The following SCN2B variants were observed in gnomAD, a reference collection of about 807,000 sequenced individuals.
The protein encoded by SCN2B is sodium voltage-gated channel beta subunit 2.
In SCN2B, 14 loss-of-function variants were observed where a neutral mutation model predicts 18.2. That is an observed-to-expected ratio of 0.77 (90% confidence interval 0.51 to 1.21). SCN2B has a LOEUF of 1.21. Among genes scored for constraint, SCN2B ranks in the 50% most tolerant of loss-of-function variants. The pLI, the probability that SCN2B is intolerant of heterozygous loss-of-function variation, is 0.00. For missense variants in SCN2B, 262 were observed against 286.9 expected, an observed-to-expected ratio of 0.91 and a Z score of 0.63; for synonymous variants, 115 against 115.3, an observed-to-expected ratio of 1.00 and a Z score of 0.02.
intron 1 of SCN2B, among the ~76,000 whole-genome samples, chr11:118,174,778 C>T (rs1948456899): frequency 6.6e-6 from 1 of 152,194 alleles, no homozygotes; most frequent in Non-Finnish European, 1.5e-5. Flanking sequence ...TCTATCTTTA[C>T]TTAGCCATGG....
chr11:118,163,016 A>G lies in SCN2B; in HGVS notation c.*3871T>C, dbSNP rs1948344578. 2 of 152,568 alleles carry G rather than the reference A, an allele frequency of 1.3e-5. No homozygotes were observed. Among genetic ancestry groups the G allele is most frequent in the African/African-American group, 4.8e-5 (2 of 41,412 alleles). 9.5% of individuals were successfully genotyped at this position (152,568 alleles called of 1,614,324 possible). ...CATATGTAGTTGGGTTTTCCCCTCC[A>G]AGTGCACAAAGCGCAAGAACATTCC... On this transcript the variant is annotated 3_prime_UTR_variant, in exon 4 of 4. Coordinates refer to ENST00000278947, the MANE Select transcript of SCN2B (RefSeq NM_004588.5).
Position 118,176,499 on chromosome 11 carries a change from A to G in SCN2B, c.-68T>C. On this transcript the variant is annotated 5_prime_UTR_variant, in exon 1 of 4. Coordinates refer to ENST00000278947, the MANE Select transcript of SCN2B (RefSeq NM_004588.5). ...GTGATTTGAGGGGGCGAGAACTACA[A>G]GGGAGGAATGGTTGGATGCTAAAAA... 1 of 1,152,826 alleles carries G rather than the reference A, an allele frequency of 8.7e-7. No individual in the cohort carries two copies. Among genetic ancestry groups the G allele is most frequent in the Non-Finnish European group, 1.3e-6 (1 of 759,698 alleles). 71.4% of individuals were successfully genotyped at this position (1,152,826 alleles called of 1,614,324 possible). A position where few individuals can be genotyped will look rare whatever the true frequency, so the allele number is the denominator to read the frequency against.
At chr11:118,176,265 G>T in intron 1 of SCN2B, 97 bp downstream of exon 1, 2 of 1,150,262 alleles carry the variant, frequency 1.7e-6, no homozygotes, top group South Asian at 1.2e-5. Context: ...GAGGGAAAGC[G>T]CTAGCAATGT....
In SCN2B at chr11:118,176,442, TGAG is replaced by T. The variant is rs779911577; in HGVS notation, c.-14_-12del. 113 of 1,611,760 alleles carry T rather than the reference TGAG, an allele frequency of 7.0e-5. No individual in the cohort carries two copies. In the African/African-American group the frequency reaches 1.4e-3, roughly 20 times the overall value. ...GGCATCTCTGTGCATTTTCAGAGAC[TGAG>T]ATGTTAGTCGGGTGGGCTACGGGAG... On this transcript the variant is annotated 5_prime_UTR_variant, in exon 1 of 4. Transcript: ENST00000278947.
rs2075647 is a variant in SCN2B at position 118,167,249 on chromosome 11, G to C, written c.449-163C>G. On this transcript the variant is annotated intron_variant, in intron 3 of 3. Coordinates refer to ENST00000278947, the MANE Select transcript of SCN2B (RefSeq NM_004588.5). ...ATCCAGTGACTGACCCTGAAGCGCCGCCACCTCCAAATCCCAGGACACCCA... is the reference window on the plus strand; with the variant it reads ...ATCCAGTGACTGACCCTGAAGCGCCCCCACCTCCAAATCCCAGGACACCCA... 0.082 allele frequency among the ~76,000 whole-genome samples: 12,457 copies of C among 152,216 alleles called. 1,050 individuals are homozygous for C. The highest frequency in any genetic ancestry group is 0.2 in the East Asian group (1,038 of 5,174).
At chr11:118,175,175 C>A (rs1297697691) in intron 1 of SCN2B, among the ~76,000 whole-genome samples, 2 of 152,196 alleles carry the variant, frequency 1.3e-5, no homozygotes, top group African/African-American at 4.8e-5. Context: ...GAGTTCCTGC[C>A]ATGCACCAAA....
At chr11:118,176,320 C>T (rs760463389) in intron 1 of SCN2B, 42 bp downstream of exon 1, 2 of 1,554,660 alleles carry the variant, frequency 1.3e-6, no homozygotes, top group African/African-American at 1.4e-5. Flanking sequence ...ATTGCGGCTA[C>T]ACTTCTGAAC....
chr11:118,176,241 C>T (rs764418627), intron 1 of SCN2B, 121 bp downstream of exon 1: 85 of 948,698 alleles, frequency 9.0e-5, no homozygotes, highest in Non-Finnish European at 1.3e-4. Context: ...AGCACCTCCC[C>T]TCCCAAGGAC....
At position 118,168,383 on chromosome 11, in the gene SCN2B, T is replaced by G. The variant is rs1948403560; in HGVS notation, c.238-88A>C. 1.5e-6 allele frequency: 2 copies of G among 1,347,642 alleles called. No homozygotes were observed. Among genetic ancestry groups the G allele is most frequent in the Non-Finnish European group, 2.1e-6 (2 of 939,720 alleles). 83.5% of individuals were successfully genotyped at this position (1,347,642 alleles called of 1,614,324 possible). On this transcript the variant is annotated intron_variant, in intron 2 of 3. Transcript: ENST00000278947. This position sits in a 1 kb window ranked among gnomAD's most constrained non-coding sequence, Gnocchi z 4.7. ...GGATGCCCCCTCTTCCCATCCACCC[T>G]TTTCCTGGGGAAGAGAGGCAGTTAC...
Position 118,168,623 on chromosome 11 carries a change from A to G in SCN2B, c.199T>C (p.Trp67Arg). The G allele has an allele frequency of 1.2e-6, 2 of 1,614,236 alleles. No individual in the cohort carries two copies. Among genetic ancestry groups the G allele is most frequent in the Non-Finnish European group, 1.7e-6 (2 of 1,180,036 alleles). ...TVNHKQFSLN[W>R]TYQECNNCSE... ...CAGTTGTTGCACTCCTGGTAAGTCCAGTTCAGGGAGAACTGTTTGTGGTTC... is the reference window on the plus strand; with the variant it reads ...CAGTTGTTGCACTCCTGGTAAGTCCGGTTCAGGGAGAACTGTTTGTGGTTC... The change falls in exon 2 of 4, where the codon TGG becomes CGG. Residue 67 changes from tryptophan (W) to arginine (R), a missense_variant. Physicochemically the swap from Trp to Arg is moderately radical, Grantham distance 101. Transcript: ENST00000278947. The surrounding 1 kb of genome is among the most constrained non-coding windows in gnomAD (Gnocchi z 4.7).
At chr11:118,174,027 T>G (rs1006017221) in intron 1 of SCN2B, among the ~76,000 whole-genome samples, 1 of 151,620 alleles carries the variant, frequency 6.6e-6, no homozygotes, top group Admixed American at 6.6e-5. Flanking sequence ...ATACTCCTTC[T>G]TCAGCCTCCT....
chr11:118,166,821 A>G lies in SCN2B; in HGVS notation c.*66T>C. 1 of 1,593,384 alleles carries G rather than the reference A, an allele frequency of 6.3e-7. No homozygotes were observed. The highest frequency in any genetic ancestry group is 8.6e-7 in the Non-Finnish European group (1 of 1,165,872). On this transcript the variant is annotated 3_prime_UTR_variant, in exon 4 of 4. Transcript: ENST00000278947. ...GGAAGCACACCAAGAGCGAGCAGGCAGGGTCACTGTACAGGGCGGAGAGGG... is the reference window on the plus strand; with the variant it reads ...GGAAGCACACCAAGAGCGAGCAGGCGGGGTCACTGTACAGGGCGGAGAGGG...
chr11:118,170,067 C>A (rs973681990), intron 1 of SCN2B, among the ~76,000 whole-genome samples: 3 of 152,200 alleles, frequency 2.0e-5, no homozygotes, highest in African/African-American at 7.2e-5. Flanking sequence ...TTCATTCACT[C>A]ATTTACCAAA....
intron 1 of SCN2B, among the ~76,000 whole-genome samples, chr11:118,170,624 C>T (rs181626570): frequency 6.6e-6 from 1 of 152,198 alleles, no homozygotes; most frequent in East Asian, 1.9e-4. Flanking sequence ...CCGATAGAGG[C>T]TGATGTGGGA....
chr11:118,173,301 C>T (rs150744107), intron 1 of SCN2B, among the ~76,000 whole-genome samples: 159 of 152,218 alleles, frequency 1.0e-3, no homozygotes, highest in African/African-American at 3.7e-3. Flanking sequence ...CTTCTCCATG[C>T]CTTTGCACGT....
intron 3 of SCN2B, 34 bp from the exon 4 acceptor site, chr11:118,167,120 C>A: frequency 6.3e-7 from 1 of 1,599,268 alleles, no homozygotes; most frequent in Non-Finnish European, 8.5e-7. Flanking sequence ...AGCACCAGGG[C>A]TGGGAAAGGG....
chr11:118,173,067 A>T (rs1455370314), intron 1 of SCN2B, among the ~76,000 whole-genome samples: 1 of 151,904 alleles, frequency 6.6e-6, no homozygotes, highest in Non-Finnish European at 1.5e-5. Context: ...ATCCCCGTGC[A>T]GCCAGGAGCA....
chr11:118,169,386 C>T (rs1302932099), intron 1 of SCN2B, among the ~76,000 whole-genome samples: 1 of 152,186 alleles, frequency 6.6e-6, no homozygotes, highest in African/African-American at 2.4e-5. Flanking sequence ...CACTTCTAAC[C>T]ATCTTTGCTG....
rs1410298448 is a variant in SCN2B, at chr11:118,166,048, C to T, written c.*839G>A. On this transcript the variant is annotated 3_prime_UTR_variant, in exon 4 of 4. Transcript: ENST00000278947. ...CCTGCCCAGGCGAGGGTGGTTACCC[C>T]ATGGAGAAGGCAGAGCCTGCAGCAA... The T allele has an allele frequency of 2.0e-5, 3 of 152,352 alleles. No individual in the cohort carries two copies. Among genetic ancestry groups the T allele is most frequent in the East Asian group, 3.8e-4 (2 of 5,202 alleles). The allele number at this position is 152,352 out of a possible 1,614,324, so 9.4% of individuals were successfully genotyped here.
Sources: gnomAD v4.1 joint callset for allele counts (sites outside exome capture counted in the v4.1 genomes callset) on GRCh38, gnomAD v4.1.1 for gene constraint, Gnocchi (gnomAD v3.1) non-coding constraint, MANE v1.5 for transcripts, NCBI Gene and HGNC (gene_info 2026-07-23, HGNC 2026-07-21) for gene names.